The following TRMT13 variants were observed in gnomAD, a reference collection of about 807,000 sequenced individuals.
The protein encoded by TRMT13 is tRNA methyltransferase 13.
Under a neutral mutation model 55.9 loss-of-function variants are expected in TRMT13, and 45 were observed. The ratio of observed to expected loss-of-function variants is 0.80; its 90% CI spans 0.63 to 1.03. TRMT13 has a LOEUF of 1.03. TRMT13 is among the 50% of genes least tolerant of loss of function. The probability of loss-of-function intolerance (pLI) is 0.00; values close to 1 mark genes in which losing one functional copy is unlikely to be tolerated. For synonymous variants in TRMT13, 183 were observed against 196.3 expected, an observed-to-expected ratio of 0.93 and a Z score of 0.57; for missense variants, 513 against 563.9, an observed-to-expected ratio of 0.91 and a Z score of 0.91.
rs1286042457 is a variant in TRMT13, at chr1:100,133,163, A to G, written c.-6A>G. 4 of 1,613,966 alleles carry G rather than the reference A, an allele frequency of 2.5e-6. No homozygotes were observed. Among genetic ancestry groups the G allele is most frequent in the South Asian group, 1.1e-5 (1 of 91,078 alleles). ...ATGCTGGACACCGGAAGCGAGCCCT[A>G]GAATTATGGCGACCTCCGCGACGTC... On this transcript the variant is annotated 5_prime_UTR_variant, in exon 1 of 11. Coordinates refer to ENST00000370141, the MANE Select transcript of TRMT13 (RefSeq NM_019083.3).
At chr1:100,143,408 G>C (rs1640574444) in intron 8 of TRMT13, among the ~76,000 whole-genome samples, 199 bp downstream of exon 8, 1 of 152,156 alleles carries the variant, frequency 6.6e-6, no homozygotes, top group Non-Finnish European at 1.5e-5. Context: ...AAAATTTTCA[G>C]TATCAAGTGG....
Position 100,143,199 on chromosome 1 carries a change from C to T in TRMT13, c.732C>T (p.His244=). ...VFERLQIDIQ[H]LCLNKIPVLR... is the part of the protein sequence containing the mutation. ...AAAGACTTCAAATTGATATTCAACA[C>T]TTGTGTTTGAGTAAGTTGTGTAACT... Residue 244 remains histidine (H), a synonymous_variant, in exon 8 of 11, where the codon CAC becomes CAT. Transcript: ENST00000370141. 6.2e-7 allele frequency: 1 copy of T among 1,604,618 alleles called. No homozygotes were observed. Among genetic ancestry groups the T allele is most frequent in the Non-Finnish European group, 8.5e-7 (1 of 1,173,346 alleles).
intron 9 of TRMT13, among the ~76,000 whole-genome samples, chr1:100,144,921 G>C (rs1003507638): frequency 6.6e-6 from 1 of 152,176 alleles, no homozygotes; most frequent in African/African-American, 2.4e-5. Flanking sequence ...AAATGGCATT[G>C]AGTACTATAT....
chr1:100,141,998 C>T (rs1422291841), intron 7 of TRMT13, among the ~76,000 whole-genome samples: 1 of 152,170 alleles, frequency 6.6e-6, no homozygotes, highest in African/African-American at 2.4e-5. Flanking sequence ...TAGAAGGTCT[C>T]ATATTTTATG....
intron 6 of TRMT13, 143 bp downstream of exon 6, chr1:100,140,657 T>C (rs895867101): frequency 1.2e-6 from 1 of 845,982 alleles, no homozygotes; most frequent in Admixed American, 2.8e-5. Flanking sequence ...TAGAAACATA[T>C]ACAAAAAATT....
chr1:100,149,106 TACATA>T lies in TRMT13; in HGVS notation c.*291_*295del. 1 of 1,597,934 alleles carries T rather than the reference TACATA, an allele frequency of 6.3e-7. No individual in the cohort carries two copies. On this transcript the variant is annotated 3_prime_UTR_variant, in exon 11 of 11. Transcript: ENST00000370141. ...ACCGTTGACTTGGTGATCTGAAACA[TACATA>T]ACATGTCAACACATAATTAGCGTAT...
At chr1:100,133,579 G>A (rs148687274) in intron 1 of TRMT13, among the ~76,000 whole-genome samples, 148 of 152,248 alleles carry the variant, frequency 9.7e-4, no homozygotes, top group African/African-American at 3.3e-3. Context: ...TCATGGTAAT[G>A]CTAGGTTTTA....
At chr1:100,137,288 T>G (rs536360487) in intron 3 of TRMT13, among the ~76,000 whole-genome samples, 1 of 152,254 alleles carries the variant, frequency 6.6e-6, no homozygotes, top group South Asian at 2.1e-4. Flanking sequence ...CTTGAACTCC[T>G]GGACTCAAGC....
intron 9 of TRMT13, among the ~76,000 whole-genome samples, chr1:100,145,224 C>G (rs1657090679): frequency 6.6e-6 from 1 of 152,200 alleles, no homozygotes; most frequent in Non-Finnish European, 1.5e-5. Flanking sequence ...GATGTTCCTA[C>G]AATGATGAAA....
At position 100,148,713 on chromosome 1, in the gene TRMT13, G is replaced by A. The variant is rs932531069; in HGVS notation, c.1339G>A (p.Gly447Arg). The A allele has an allele frequency of 1.2e-5, 19 of 1,613,136 alleles. No individual in the cohort carries two copies. The highest frequency in any genetic ancestry group is 1.6e-5 in the Non-Finnish European group (19 of 1,179,642). Residue 447 changes from glycine (G) to arginine (R), a missense_variant, in exon 11 of 11, where the codon GGA becomes AGA. Physicochemically the swap from Gly to Arg is moderately radical, Grantham distance 125. This residue lies in a region of TRMT13 where 209 missense variants were observed against 255.8 expected (regional missense o/e 0.82). Coordinates refer to ENST00000370141, the MANE Select transcript of TRMT13 (RefSeq NM_019083.3). ...QGRIQYLQQK[G>R]FSPALQYYTD... ...TCGAATCCAGTATTTGCAGCAGAAG[G>A]GATTCAGTCCTGCTTTGCAGTACTA...
chr1:100,136,395 T>C (rs1655870641), intron 1 of TRMT13, among the ~76,000 whole-genome samples: 1 of 152,216 alleles, frequency 6.6e-6, no homozygotes. Context: ...CCACAATGTA[T>C]ACATATTTGA....
intron 7 of TRMT13, among the ~76,000 whole-genome samples, chr1:100,142,210 G>T (rs535298919): frequency 2.0e-5 from 3 of 152,176 alleles, no homozygotes; most frequent in Admixed American, 2.0e-4. Context: ...TCTAGTGTGG[G>T]TCATAGAAGT....
At chr1:100,140,132 A>T in intron 4 of TRMT13, 50 bp from the exon 5 acceptor site, 1 of 1,325,274 alleles carries the variant, frequency 7.5e-7, no homozygotes, top group Non-Finnish European at 1.1e-6. Flanking sequence ...CTGTTATGCT[A>T]CTTTAAAGCA....
intron 1 of TRMT13, among the ~76,000 whole-genome samples, chr1:100,134,483 A>G (rs1165905895): frequency 6.6e-6 from 1 of 152,172 alleles, no homozygotes; most frequent in Non-Finnish European, 1.5e-5. Flanking sequence ...GACCCCCTTC[A>G]TCTGCCACTC....
intron 3 of TRMT13, 23 bp from the exon 4 acceptor site, chr1:100,139,626 T>C: frequency 7.0e-7 from 1 of 1,431,242 alleles, no homozygotes; most frequent in South Asian, 1.2e-5. Context: ...TAACAGTTCT[T>C]TTATGGTTTT....
chr1:100,135,384 C>A (rs1365730358), intron 1 of TRMT13, among the ~76,000 whole-genome samples: 2 of 148,974 alleles, frequency 1.3e-5, no homozygotes, highest in African/African-American at 4.9e-5. Context: ...ATAGTATTTT[C>A]AAAAAAAAAA....
chr1:100,142,451 A>C (rs984911127), intron 7 of TRMT13, among the ~76,000 whole-genome samples: 1 of 152,308 alleles, frequency 6.6e-6, no homozygotes, highest in South Asian at 2.1e-4. Flanking sequence ...AGTATGAGAA[A>C]TATTAAGATG....
At chr1:100,142,358 A>G (rs1202816176) in intron 7 of TRMT13, among the ~76,000 whole-genome samples, 1 of 152,220 alleles carries the variant, frequency 6.6e-6, no homozygotes, top group Non-Finnish European at 1.5e-5. Flanking sequence ...GAGATTAATA[A>G]TAAAGATAAT....
At chr1:100,138,677 C>G in intron 3 of TRMT13, among the ~76,000 whole-genome samples, 1 of 152,180 alleles carries the variant, frequency 6.6e-6, no homozygotes, top group East Asian at 1.9e-4. Flanking sequence ...ACTTTTGAAA[C>G]AGGATTTGTA....
Sources: gnomAD v4.1 joint callset for allele counts (sites outside exome capture counted in the v4.1 genomes callset) on GRCh38, gnomAD v4.1.1 for gene constraint, gnomAD v4.1.1 regional missense constraint, MANE v1.5 for transcripts, NCBI Gene and HGNC (gene_info 2026-07-23, HGNC 2026-07-21) for gene names.